Variants in BIRC2 observed in about 807,000 individuals in gnomAD.
BIRC2 encodes baculoviral IAP repeat containing 2.
In BIRC2, 18 loss-of-function variants were observed where a neutral mutation model predicts 60.9. That is an observed-to-expected ratio of 0.30 (90% CI 0.20 to 0.44). The LOEUF (loss-of-function observed/expected upper bound fraction) is 0.44. BIRC2 is among the 20% of genes least tolerant of loss of function. The pLI is 1.00. For synonymous variants in BIRC2, 282 were observed against 247.7 expected (o/e 1.14, Z -1.30); for missense variants, 701 against 728.5 (o/e 0.96, Z 0.43).
intron 6 of BIRC2, among the ~76,000 whole-genome samples, chr11:102,370,491 T>C (rs944977580): frequency 1.4e-5 from 2 of 145,610 alleles, no homozygotes; most frequent in Admixed American, 6.8e-5. Flanking sequence ...CGCGGTGTTA[T>C]TTCTGAGGGC....
intron 3 of BIRC2, among the ~76,000 whole-genome samples, chr11:102,356,143 G>A (rs1310551725): frequency 1.3e-5 from 2 of 151,390 alleles, no homozygotes; most frequent in Non-Finnish European, 2.9e-5. Flanking sequence ...AATAGACGTG[G>A]CAAGAGTAAG....
chr11:102,358,287 A>G (rs1418346505), intron 3 of BIRC2, among the ~76,000 whole-genome samples: 1 of 152,230 alleles, frequency 6.6e-6, no homozygotes, highest in African/African-American at 2.4e-5. Flanking sequence ...TCCAAAATTT[A>G]AAACTTTTTG....
chr11:102,364,172 T>TATACAC (rs1230739714), intron 5 of BIRC2, among the ~76,000 whole-genome samples: 4 of 89,728 alleles, frequency 4.5e-5, no homozygotes, highest in East Asian at 3.6e-4. Context: ...TATATATATA[T>TATACAC]ATACACACAC....
Position 102,377,532 on chromosome 11 carries a change from T to C in BIRC2, c.1403T>C (p.Leu468Pro). 1.2e-6 allele frequency: 2 copies of C among 1,601,442 alleles called. No individual in the cohort carries two copies. The highest frequency in any genetic ancestry group is 2.3e-5 in the South Asian group (2 of 87,894). ...TTAATTCGGAAGAACAGAATGGCTCTCTTTCAACAATTGACATGTGTGCTT... is the reference window on the plus strand; with the variant it reads ...TTAATTCGGAAGAACAGAATGGCTCCCTTTCAACAATTGACATGTGTGCTT... Reference protein sequence around the residue: ...LSLIRKNRMALFQQLTCVLPI... With the variant: ...LSLIRKNRMAPFQQLTCVLPI... Residue 468 changes from leucine (L) to proline (P), a missense_variant, in exon 7 of 9, where the codon CTC becomes CCC. By Grantham distance (98) the Leu-to-Pro change is moderately conservative. Coordinates refer to ENST00000227758, the MANE Select transcript of BIRC2 (RefSeq NM_001166.5).
chr11:102,350,661 T>C lies in BIRC2; in HGVS notation c.807T>C (p.His269=), dbSNP rs1951348832. 1.2e-6 allele frequency: 2 copies of C among 1,613,958 alleles called. No individual in the cohort carries two copies. Among genetic ancestry groups the C allele is most frequent in the Non-Finnish European group, 1.7e-6 (2 of 1,180,024 alleles). The change falls in exon 2 of 9, where the codon CAT becomes CAC. Residue 269 remains histidine, a synonymous_variant. Transcript: ENST00000227758. ...TTTCAAATCTGAGCATGCAGACACATGCAGCTCGAATGAGAACATTTATGT... is the reference window on the plus strand; with the variant it reads ...TTTCAAATCTGAGCATGCAGACACACGCAGCTCGAATGAGAACATTTATGT... The part of the protein sequence containing the change: ...FSISNLSMQT[H]AARMRTFMYW...
chr11:102,350,776 A>G (rs370868118), intron 2 of BIRC2, 27 bp downstream of exon 2: 226 of 1,602,368 alleles, frequency 1.4e-4, no homozygotes, highest in Non-Finnish European at 1.8e-4. Flanking sequence ...TATACATTTT[A>G]TCATTTTATT....
intron 1 of BIRC2, chr11:102,347,966 A>T (rs1235420066): frequency 6.6e-6 from 1 of 152,208 alleles, no homozygotes; most frequent in Admixed American, 6.5e-5. Flanking sequence ...TAAAGATAGG[A>T]TATAAGACCG....
chr11:102,365,575 G>A (rs1447433076), intron 5 of BIRC2, among the ~76,000 whole-genome samples: 5 of 152,066 alleles, frequency 3.3e-5, no homozygotes, highest in African/African-American at 9.7e-5. Context: ...GTGCTTTGTC[G>A]TTGTTTTTTC....
At chr11:102,374,586 AC>A (rs1244819546) in intron 6 of BIRC2, among the ~76,000 whole-genome samples, 2 of 151,384 alleles carry the variant, frequency 1.3e-5, no homozygotes, top group Non-Finnish European at 2.9e-5. Context: ...TCAGACAGGG[AC>A]ACTTAAGTCT....
chr11:102,377,921 A>G (rs750860884), intron 8 of BIRC2, 23 bp downstream of exon 8: 5 of 1,609,706 alleles, frequency 3.1e-6, no homozygotes, highest in Non-Finnish European at 3.4e-6. Flanking sequence ...TTTAAAACCA[A>G]CATGAACTAT....
At position 102,351,905 on chromosome 11, in the gene BIRC2, G is replaced by A. The variant is rs114329518; in HGVS notation, c.995+962G>A. 3.2e-3 allele frequency among the ~76,000 whole-genome samples: 485 copies of A among 152,136 alleles called. 2 individuals carry two copies. Among genetic ancestry groups the A allele is most frequent in the African/African-American group, 0.011 (460 of 41,510 alleles). ...ATTTTTTAAAATAGTGATAAAATAGGCATAACATTTACCATCTTAACCATT... is the reference window on the plus strand; with the variant it reads ...ATTTTTTAAAATAGTGATAAAATAGACATAACATTTACCATCTTAACCATT... On this transcript the variant is annotated intron_variant, in intron 3 of 8. Transcript: ENST00000227758.
Position 102,378,401 on chromosome 11 carries a change from C to G in BIRC2, c.*218C>G. 1 of 433,556 alleles carries G rather than the reference C, an allele frequency of 2.3e-6. No individual in the cohort carries two copies. The highest frequency in any genetic ancestry group is 4.0e-6 in the Non-Finnish European group (1 of 247,676). 26.9% of individuals were successfully genotyped at this position (433,556 alleles called of 1,614,324 possible). A position where few individuals can be genotyped will look rare whatever the true frequency, so the allele number is the denominator to read the frequency against. On this transcript the variant is annotated 3_prime_UTR_variant, in exon 9 of 9. Coordinates refer to ENST00000227758, the MANE Select transcript of BIRC2 (RefSeq NM_001166.5). ...CAAGGGAAGATTTATGTTTGGTGAA[C>G]TATATTAGTATGTATGTGTACCTAA... is the stretch of plus-strand genomic sequence containing the variant.
chr11:102,361,995 A>C (rs1951490191), intron 3 of BIRC2, among the ~76,000 whole-genome samples: 1 of 151,972 alleles, frequency 6.6e-6, no homozygotes, highest in Non-Finnish European at 1.5e-5. Flanking sequence ...ACTCTTGCAA[A>C]CTTTCAGTCT....
chr11:102,351,732 T>C (rs1188713322), intron 3 of BIRC2, among the ~76,000 whole-genome samples: 3 of 152,200 alleles, frequency 2.0e-5, no homozygotes, highest in Non-Finnish European at 4.4e-5. Context: ...TTAGCCACTT[T>C]GTCTCTAGCA....
chr11:102,350,678 C>A lies in BIRC2; in HGVS notation c.824C>A (p.Thr275Lys). ...SMQTHAARMR[T>K]FMYWPSSVPV... is the part of the protein sequence containing the mutation. ...CAGACACATGCAGCTCGAATGAGAA[C>A]ATTTATGTACTGGCCATCTAGTGTT... Residue 275 changes from threonine to lysine, a missense_variant, in exon 2 of 9, where the codon ACA becomes AAA. This residue lies in a region of BIRC2 where 375 missense variants were observed against 365.9 expected (regional missense o/e 1.02). Coordinates refer to ENST00000227758, the MANE Select transcript of BIRC2 (RefSeq NM_001166.5). The A allele has an allele frequency of 6.2e-7, 1 of 1,613,618 alleles. No individual in the cohort carries two copies. Among genetic ancestry groups the A allele is most frequent in the East Asian group, 2.2e-5 (1 of 44,886 alleles).
At chr11:102,353,684 T>C (rs1208081044) in intron 3 of BIRC2, among the ~76,000 whole-genome samples, 1 of 128,742 alleles carries the variant, frequency 7.8e-6, no homozygotes, top group Non-Finnish European at 1.8e-5. Flanking sequence ...ACTTTCTTTT[T>C]TTTTTTTTTT....
chr11:102,351,038 A>G, intron 3 of BIRC2, 95 bp downstream of exon 3: 3 of 1,147,364 alleles, frequency 2.6e-6, no homozygotes, highest in Non-Finnish European at 3.8e-6. Context: ...AATTATAACA[A>G]AGCCTCTTTT....
chr11:102,375,166 C>G (rs1232050648), intron 6 of BIRC2, among the ~76,000 whole-genome samples: 1 of 152,206 alleles, frequency 6.6e-6, no homozygotes, highest in East Asian at 1.9e-4. Flanking sequence ...CGGAGCTGTT[C>G]CTATTCGGCC....
chr11:102,378,285 T>A lies in BIRC2; in HGVS notation c.*102T>A. 1.1e-6 allele frequency: 1 copy of A among 920,316 alleles called. No individual in the cohort carries two copies. Among genetic ancestry groups the A allele is most frequent in the Non-Finnish European group, 1.6e-6 (1 of 640,892 alleles). 57.0% of individuals were successfully genotyped at this position (920,316 alleles called of 1,614,324 possible). A position where few individuals can be genotyped will look rare whatever the true frequency, so the allele number is the denominator to read the frequency against. On this transcript the variant is annotated 3_prime_UTR_variant, in exon 9 of 9. Coordinates refer to ENST00000227758, the MANE Select transcript of BIRC2 (RefSeq NM_001166.5). ...AAAAGGGAATTATGAGTTTTTCAAT[T>A]AGTAACATTCATGTTCTAGTCTGCT...
Sources: allele counts gnomAD v4.1 joint callset (sites outside exome capture counted in the v4.1 genomes callset), GRCh38; gene constraint gnomAD v4.1.1; regional missense constraint gnomAD v4.1.1; transcripts MANE v1.5; gene names NCBI Gene and HGNC (gene_info 2026-07-23, HGNC 2026-07-21).